Variants in KAT6B observed in about 807,000 individuals in gnomAD.
KAT6B encodes lysine acetyltransferase 6B.
In KAT6B, 10 loss-of-function variants were observed where a neutral mutation model predicts 187.5. The ratio of observed to expected loss-of-function variants is 0.05; its 90% CI spans 0.03 to 0.09. The LOEUF (loss-of-function observed/expected upper bound fraction) is 0.09, where lower values mean the gene tolerates loss of function less well. Among genes scored for constraint, KAT6B ranks in the 10% least tolerant of loss-of-function variants. The pLI is 1.00. For synonymous variants in KAT6B, 861 were observed against 926.8 expected, an observed-to-expected ratio of 0.93 and a Z score of 1.29; for missense variants, 1,952 against 2,558.9, an observed-to-expected ratio of 0.76 and a Z score of 5.12.
Position 74,976,224 on chromosome 10 carries a change from C to T in KAT6B, c.1887C>T (p.His629=), listed in dbSNP as rs886038588. The change falls in exon 8 of 18, where the codon CAC becomes CAT. Residue 629 remains histidine, a synonymous_variant. Coordinates refer to ENST00000287239, the MANE Select transcript of KAT6B (RefSeq NM_012330.4). ...HFKRTTFLKK[H]RMLGRLKYKV... ...AGCGAACAACTTTCCTTAAAAAGCA[C>T]AGGATGCTAGGCAGATTAAAATATA... 8 of 1,614,130 alleles carry T rather than the reference C, an allele frequency of 5.0e-6. No individual in the cohort carries two copies. The highest frequency in any genetic ancestry group is 6.8e-6 in the Non-Finnish European group (8 of 1,180,018).
At chr10:74,957,417 CTAT>C (rs1438450729) in intron 3 of KAT6B, among the ~76,000 whole-genome samples, 2 of 152,340 alleles carry the variant, frequency 1.3e-5, no homozygotes, top group East Asian at 3.9e-4. Context: ...TCTATGCTTT[CTAT>C]TATTGGACAG....
chr10:74,992,505 T>C (rs1180810009), intron 13 of KAT6B, among the ~76,000 whole-genome samples: 1 of 152,182 alleles, frequency 6.6e-6, no homozygotes, highest in Non-Finnish European at 1.5e-5. Context: ...TAATAAAGTG[T>C]TGAATATCTC....
intron 13 of KAT6B, among the ~76,000 whole-genome samples, chr10:75,006,942 C>T (rs747874987): frequency 7.2e-5 from 11 of 151,874 alleles, no homozygotes; most frequent in Non-Finnish European, 1.0e-4. Context: ...GCGGCATGCA[C>T]CTGTAGTCCC....
chr10:74,924,186 A>G (rs1848332155), intron 3 of KAT6B, among the ~76,000 whole-genome samples: 1 of 152,176 alleles, frequency 6.6e-6, no homozygotes, highest in South Asian at 2.1e-4. Flanking sequence ...TTAAATTTTT[A>G]AAACATATTT....
intron 13 of KAT6B, among the ~76,000 whole-genome samples, chr10:75,018,126 T>C (rs372153594): frequency 1.3e-5 from 2 of 152,182 alleles, no homozygotes; most frequent in Admixed American, 6.5e-5. Flanking sequence ...GGCTGGAGCT[T>C]GGGTTTGCAG....
At chr10:75,019,488 C>T (rs1157921926) in intron 13 of KAT6B, among the ~76,000 whole-genome samples, 1 of 152,082 alleles carries the variant, frequency 6.6e-6, no homozygotes, top group Non-Finnish European at 1.5e-5. Flanking sequence ...GAGAATGCAG[C>T]CATTTTGGAA....
chr10:75,009,245 G>A (rs1454548698), intron 13 of KAT6B, among the ~76,000 whole-genome samples: 2 of 152,084 alleles, frequency 1.3e-5, no homozygotes, highest in Non-Finnish European at 2.9e-5. Flanking sequence ...GTAGTTTGTG[G>A]TTCTTGTGTT....
chr10:74,825,607 G>A (rs1019737147), upstream of KAT6B: 4 of 154,634 alleles, frequency 2.6e-5, no homozygotes, highest in Non-Finnish European at 5.8e-5. The surrounding 1 kb of genome is among the most constrained non-coding windows in gnomAD (Gnocchi z 5.0). Flanking sequence ...GGAGGCTGAG[G>A]AAGGCAGCGG....
chr10:75,029,250 G>A lies in KAT6B; in HGVS notation c.4426G>A (p.Asp1476Asn). 1.2e-6 allele frequency: 2 copies of A among 1,614,156 alleles called. No homozygotes were observed. The highest frequency in any genetic ancestry group is 2.2e-5 in the South Asian group (2 of 91,080). The change falls in exon 18 of 18, where the codon GAC (aspartate) becomes AAC (asparagine). Residue 1476 changes from aspartate to asparagine, a missense_variant. This residue lies in a region of KAT6B where 758 missense variants were observed against 891.4 expected (regional missense o/e 0.85). Transcript: ENST00000287239. The surrounding 1 kb of genome is among the most constrained non-coding windows in gnomAD (Gnocchi z 6.2). Reference sequence around the variant, plus strand: ...TCACTCGAACCCAGAGGTCTTAATGGACTGTGGCGTCGACCTGACAGCTTC... The same window carrying A: ...TCACTCGAACCCAGAGGTCTTAATGAACTGTGGCGTCGACCTGACAGCTTC... Reference protein sequence around the residue: ...PGHSNPEVLMDCGVDLTASCN... With the variant: ...PGHSNPEVLMNCGVDLTASCN...
intron 3 of KAT6B, among the ~76,000 whole-genome samples, chr10:74,922,354 T>C (rs560222025): frequency 1.1e-4 from 16 of 152,132 alleles, no homozygotes; most frequent in Admixed American, 2.6e-4. Flanking sequence ...AAGAAACCTG[T>C]CAAATTTAGG....
At chr10:74,837,485 A>G (rs1249763704) in intron 1 of KAT6B, among the ~76,000 whole-genome samples, 1 of 152,222 alleles carries the variant, frequency 6.6e-6, no homozygotes, top group Non-Finnish European at 1.5e-5. Flanking sequence ...CGCTTGTGAT[A>G]GAATGTCCTA....
intron 3 of KAT6B, among the ~76,000 whole-genome samples, chr10:74,873,445 G>A (rs1844161068): frequency 6.9e-6 from 1 of 144,452 alleles, no homozygotes. Flanking sequence ...AGTCTGAGCA[G>A]CAGCAAAATA....
At chr10:74,919,558 G>A (rs1028831314) in intron 3 of KAT6B, among the ~76,000 whole-genome samples, 12 of 151,840 alleles carry the variant, frequency 7.9e-5, no homozygotes, top group South Asian at 4.2e-4. Flanking sequence ...GCTCCACCAC[G>A]CCCTGCTAAT....
chr10:74,875,356 T>C (rs906264270), intron 3 of KAT6B, among the ~76,000 whole-genome samples: 2 of 152,224 alleles, frequency 1.3e-5, no homozygotes, highest in Admixed American at 1.3e-4. Context: ...CTAGTTCTTA[T>C]GTGTAGCACA....
At chr10:74,987,477 C>G (rs1398351794) in intron 12 of KAT6B, among the ~76,000 whole-genome samples, 1 of 152,042 alleles carries the variant, frequency 6.6e-6, no homozygotes, top group Non-Finnish European at 1.5e-5. Flanking sequence ...CATGTGTCAG[C>G]TGGAATCTAG....
chr10:74,995,854 C>G (rs949044701), intron 13 of KAT6B, among the ~76,000 whole-genome samples: 2 of 152,226 alleles, frequency 1.3e-5, no homozygotes, highest in Non-Finnish European at 2.9e-5. Flanking sequence ...GATATCCTTT[C>G]AGTTGTTAGG....
At chr10:74,952,854 T>A (rs1472519892) in intron 3 of KAT6B, among the ~76,000 whole-genome samples, 2 of 139,928 alleles carry the variant, frequency 1.4e-5, no homozygotes, top group African/African-American at 2.7e-5. Flanking sequence ...TAATTTTTTT[T>A]TTTTTTTTTT....
intron 10 of KAT6B, among the ~76,000 whole-genome samples, chr10:74,980,205 G>A (rs543503563): frequency 2.6e-5 from 4 of 152,200 alleles, no homozygotes; most frequent in African/African-American, 9.6e-5. Context: ...CCAAGTTTTT[G>A]TTTGTCTTGA....
intron 3 of KAT6B, among the ~76,000 whole-genome samples, chr10:74,877,068 C>T (rs1343399625): frequency 6.6e-5 from 10 of 151,950 alleles, no homozygotes; most frequent in Non-Finnish European, 1.3e-4. Flanking sequence ...CCGGTTCAAG[C>T]GATTCTCCTG....
Sources: gnomAD v4.1 joint callset for allele counts (sites outside exome capture counted in the v4.1 genomes callset) on GRCh38, gnomAD v4.1.1 for gene constraint, gnomAD v4.1.1 regional missense constraint, Gnocchi (gnomAD v3.1) non-coding constraint, MANE v1.5 for transcripts, NCBI Gene and HGNC (gene_info 2026-07-23, HGNC 2026-07-21) for gene names.